The following ANO4 variants were observed in gnomAD, a reference collection of about 807,000 sequenced individuals.
ANO4 encodes anoctamin 4, also known as anoctamin-4.
A neutral mutation model predicts 141.9 loss-of-function variants in ANO4; 69 were observed. That is an observed-to-expected ratio of 0.49 (90% CI 0.40 to 0.59). The LOEUF is 0.59. Among genes scored for constraint, ANO4 ranks in the 20% least tolerant of loss-of-function variants. The pLI is 0.00. For synonymous variants in ANO4, 350 were observed against 394.3 expected (o/e 0.89, Z 1.33); for missense variants, 894 against 1,162.2 (o/e 0.77, Z 3.36).
intron 3 of ANO4, among the ~76,000 whole-genome samples, chr12:100,937,520 C>T (rs140354433): frequency 5.3e-5 from 8 of 152,256 alleles, no homozygotes; most frequent in Admixed American, 5.2e-4. Context: ...AAGCACCTAG[C>T]ACAGTACCTG....
At chr12:100,967,961 C>G (rs936679591) in intron 5 of ANO4, among the ~76,000 whole-genome samples, 16 of 152,282 alleles carry the variant, frequency 1.1e-4, no homozygotes, top group African/African-American at 3.8e-4. Context: ...TTCAGTTTGG[C>G]TGTGGGTGAG....
intron 1 of ANO4, among the ~76,000 whole-genome samples, chr12:100,887,803 TG>T (rs2039912619): frequency 6.6e-6 from 1 of 152,208 alleles, no homozygotes; most frequent in Non-Finnish European, 1.5e-5. Context: ...AACTTACAAT[TG>T]CCTACTTCTA....
At chr12:100,987,813 C>T in intron 8 of ANO4, 143 bp downstream of exon 8, 2 of 1,195,378 alleles carry the variant, frequency 1.7e-6, no homozygotes, top group Non-Finnish European at 2.3e-6. Flanking sequence ...GTGTTCATAT[C>T]CCTTTTATTT....
intron 2 of ANO4, among the ~76,000 whole-genome samples, chr12:100,904,210 C>T (rs2040732925): frequency 6.6e-6 from 1 of 152,142 alleles, no homozygotes; most frequent in Admixed American, 6.5e-5. Flanking sequence ...GCCTTTCTTT[C>T]AACAAGTACC....
chr12:100,775,601 C>T (rs570296643), intron 3 of ANO4, among the ~76,000 whole-genome samples: 12 of 152,142 alleles, frequency 7.9e-5, no homozygotes, highest in South Asian at 2.1e-4. Flanking sequence ...ATAATGAAAA[C>T]GATATGGATC....
chr12:100,952,916 A>G (rs1028743389), intron 5 of ANO4, among the ~76,000 whole-genome samples: 4 of 152,268 alleles, frequency 2.6e-5, no homozygotes, highest in Non-Finnish European at 5.9e-5. Context: ...TTCCAAATCA[A>G]CACGTATTTC....
In ANO4 at chr12:101,048,564, C is replaced by T. The variant is rs147780518; in HGVS notation, c.1312+163C>T. ...AATAATTTATTGGGTTTATTTTAAA[C>T]GATATTGTAGAAGAGAGACATGTCT... On this transcript the variant is annotated intron_variant, in intron 14 of 27. Transcript: ENST00000392977. Among the ~76,000 whole-genome samples the T allele has an allele frequency of 3.6e-3, 554 of 152,192 alleles. 2 individuals are homozygous for T. The highest frequency in any genetic ancestry group is 7.2e-3 in the African/African-American group (300 of 41,540).
At chr12:100,861,603 C>G (rs1379822544) in intron 1 of ANO4, among the ~76,000 whole-genome samples, 1 of 152,124 alleles carries the variant, frequency 6.6e-6, no homozygotes, top group African/African-American at 2.4e-5. Flanking sequence ...TAGGACATTA[C>G]CATATACTAC....
intron 1 of ANO4, among the ~76,000 whole-genome samples, chr12:100,725,934 A>G (rs1004277871): frequency 6.6e-6 from 1 of 152,184 alleles, no homozygotes; most frequent in Non-Finnish European, 1.5e-5. Flanking sequence ...CTCAATAGAA[A>G]AGAAAGGGAA....
upstream of ANO4, among the ~76,000 whole-genome samples, chr12:100,792,446 A>C (rs914072525): frequency 6.6e-6 from 1 of 152,210 alleles, no homozygotes; most frequent in Admixed American, 6.5e-5. Flanking sequence ...CACCAGTTCA[A>C]CACCAGTGAA....
intron 13 of ANO4, 48 bp downstream of exon 13, chr12:101,043,683 C>A (rs1230449498): frequency 1.5e-6 from 2 of 1,362,010 alleles, no homozygotes; most frequent in African/African-American, 2.9e-5. Context: ...TAACATACAC[C>A]TTCCTGAGGG....
intron 3 of ANO4, among the ~76,000 whole-genome samples, chr12:100,760,791 G>A (rs1356393770): frequency 6.6e-6 from 1 of 152,190 alleles, no homozygotes; most frequent in Non-Finnish European, 1.5e-5. Flanking sequence ...AGCCCAAGAG[G>A]TGAGAAATGC....
rs866313416 is a variant in ANO4, at chr12:100,787,383, A to C, written c.358+47278A>C. Among the ~76,000 whole-genome samples the C allele has an allele frequency of 3.3e-5, 5 of 152,154 alleles. 1 individual carries two copies. The highest frequency in any genetic ancestry group is 1.2e-4 in the African/African-American group (5 of 41,428). ...TTTCAACAGCTTGGTGAGTTTTGCAACTCTGAGTATGAGGATGTAAGTGAA... is the reference window on the plus strand; with the variant it reads ...TTTCAACAGCTTGGTGAGTTTTGCACCTCTGAGTATGAGGATGTAAGTGAA... On this transcript the variant is annotated intron_variant, in intron 3 of 29. Transcript: ENST00000644049.
intron 22 of ANO4, among the ~76,000 whole-genome samples, chr12:101,105,137 C>T (rs1390872381): frequency 6.6e-6 from 1 of 152,088 alleles, no homozygotes; most frequent in Admixed American, 6.6e-5. Flanking sequence ...GAGATAGGGA[C>T]CCAGCAGTTT....
intron 1 of ANO4, among the ~76,000 whole-genome samples, chr12:100,821,178 G>A (rs1489718167): frequency 1.3e-5 from 2 of 152,150 alleles, no homozygotes; most frequent in Middle Eastern, 3.4e-3. Context: ...GTTGTGTCTA[G>A]TCAGTTGCCA....
chr12:101,042,418 A>G lies in ANO4; in HGVS notation c.1104A>G (p.Gly368=). The change falls in exon 12 of 28, where the codon GGA becomes GGG. Residue 368 remains glycine (G), a synonymous_variant. Coordinates refer to ENST00000392977, the MANE Select transcript of ANO4 (RefSeq NM_001286615.2). ...TGMLFPAAFI[G]LFVFLYGVTT... ...TGCTCTTCCCAGCTGCCTTCATTGG[A>G]TTGTTTGTCTTTTTGTATGGCGTCA... 1 of 1,613,846 alleles carries G rather than the reference A, an allele frequency of 6.2e-7. No homozygotes were observed. The highest frequency in any genetic ancestry group is 8.5e-7 in the Non-Finnish European group (1 of 1,179,964).
intron 7 of ANO4, among the ~76,000 whole-genome samples, chr12:100,979,603 A>G (rs1433456145): frequency 6.6e-6 from 1 of 152,152 alleles, no homozygotes; most frequent in Non-Finnish European, 1.5e-5. Flanking sequence ...GACAGGATTT[A>G]AAACAGGAGC....
At chr12:100,998,416 C>CT (rs1566107984) in intron 8 of ANO4, among the ~76,000 whole-genome samples, 1 of 95,652 alleles carries the variant, frequency 1.0e-5, no homozygotes, top group African/African-American at 4.2e-5. Context: ...TCTATCTATC[C>CT]ATCCTATTAG....
chr12:100,753,285 A>G (rs1296167972), intron 3 of ANO4, among the ~76,000 whole-genome samples: 2 of 152,208 alleles, frequency 1.3e-5, no homozygotes, highest in African/African-American at 2.4e-5. Context: ...CTGTGGAATT[A>G]GGGAACTGTG....
Sources: gnomAD v4.1 joint callset for allele counts (sites outside exome capture counted in the v4.1 genomes callset) on GRCh38, gnomAD v4.1.1 for gene constraint, MANE v1.5 for transcripts, NCBI Gene and HGNC (gene_info 2026-07-23, HGNC 2026-07-21) for gene names.